Variants in TBC1D8 observed in about 807,000 individuals in gnomAD.
TBC1D8 encodes TBC1 domain family member 8.
Under a neutral mutation model 118.8 loss-of-function variants are expected in TBC1D8, and 65 were observed. That is an observed-to-expected ratio of 0.55 (90% CI 0.45 to 0.67). The LOEUF is 0.67. Ranked by LOEUF, TBC1D8 falls within the 30% of genes least tolerant of loss-of-function variation. TBC1D8 has a pLI of 0.00. For synonymous variants in TBC1D8, 566 were observed against 595.8 expected (o/e 0.95, Z 0.73); for missense variants, 1,376 against 1,471.2 (o/e 0.94, Z 1.06).
At chr2:101,042,276 G>A (rs1434660399) in intron 5 of TBC1D8, among the ~76,000 whole-genome samples, 1 of 152,058 alleles carries the variant, frequency 6.6e-6, no homozygotes, top group African/African-American at 2.4e-5. Flanking sequence ...CACAATGTTT[G>A]AAAATACTGA....
At chr2:101,060,170 G>C (rs1350264259) in intron 2 of TBC1D8, among the ~76,000 whole-genome samples, 1 of 152,182 alleles carries the variant, frequency 6.6e-6, no homozygotes, top group Non-Finnish European at 1.5e-5. Context: ...CCACTCAAAT[G>C]ACAGAAACAT....
chr2:101,047,574 G>C (rs1485053783), intron 5 of TBC1D8, among the ~76,000 whole-genome samples: 2 of 152,144 alleles, frequency 1.3e-5, no homozygotes, highest in South Asian at 2.1e-4. Flanking sequence ...CTACAAATGA[G>C]AACTGGCCAG....
chr2:101,090,932 C>T (rs1410373186), intron 1 of TBC1D8, among the ~76,000 whole-genome samples: 2 of 152,182 alleles, frequency 1.3e-5, no homozygotes, highest in African/African-American at 2.4e-5. Context: ...TCATCATTAT[C>T]CTCCTCTCCA....
intron 15 of TBC1D8, among the ~76,000 whole-genome samples, chr2:101,024,483 T>C (rs1038318154): frequency 6.7e-6 from 1 of 148,224 alleles, no homozygotes; most frequent in African/African-American, 2.5e-5. Context: ...CTTGGCTCAC[T>C]GCAACCTCTG....
Position 101,023,413 on chromosome 2 carries a change from T to G in TBC1D8, c.2521-892A>C, listed in dbSNP as rs367972999. On this transcript the variant is annotated intron_variant, in intron 15 of 19. Transcript: ENST00000409318. ...CACTCGCCTTGGCCTCCCAAAGTGCTGGGATTATAGGCATGAGCCACTGCG... is the reference window on the plus strand; with the variant it reads ...CACTCGCCTTGGCCTCCCAAAGTGCGGGGATTATAGGCATGAGCCACTGCG... Among the ~76,000 whole-genome samples, 131 of 152,164 alleles carry G rather than the reference T, an allele frequency of 8.6e-4. 2 individuals are homozygous for G. The highest frequency in any genetic ancestry group is 3.0e-3 in the African/African-American group (126 of 41,558).
chr2:101,071,209 GT>G (rs1172810681), intron 2 of TBC1D8, among the ~76,000 whole-genome samples: 5 of 152,010 alleles, frequency 3.3e-5, no homozygotes, highest in Non-Finnish European at 7.4e-5. Context: ...AGGTGTGGTG[GT>G]GGGCGCCTAT....
At chr2:101,036,276 G>A (rs1681003796) in intron 8 of TBC1D8, 108 bp from the exon 9 acceptor site, 3 of 1,298,514 alleles carry the variant, frequency 2.3e-6, no homozygotes, top group African/African-American at 1.5e-5. Context: ...TCTCCGAGGG[G>A]CCAACAGCAA....
intron 2 of TBC1D8, among the ~76,000 whole-genome samples, chr2:101,071,756 T>C (rs1335309973): frequency 6.6e-6 from 1 of 152,240 alleles, no homozygotes; most frequent in East Asian, 1.9e-4. Flanking sequence ...TTAAATTCAC[T>C]AAGTTCAAAT....
At chr2:101,021,817 G>A in intron 16 of TBC1D8, 71 bp from the exon 17 acceptor site, 1 of 1,008,662 alleles carries the variant, frequency 9.9e-7, no homozygotes, top group Non-Finnish European at 1.5e-6. Flanking sequence ...CAAACTCACT[G>A]TGGAGAGAAC....
Position 101,022,309 on chromosome 2 carries a change from G to A in TBC1D8, c.2733C>T (p.Ile911=), listed in dbSNP as rs1418689225. 5.6e-6 allele frequency: 9 copies of A among 1,612,860 alleles called. No homozygotes were observed. Among genetic ancestry groups the A allele is most frequent in the African/African-American group, 1.3e-5 (1 of 74,876 alleles). The change falls in exon 16 of 20, where the codon ATC becomes ATT. Residue 911 remains isoleucine, a synonymous_variant. Coordinates refer to ENST00000409318, the MANE Select transcript of TBC1D8 (RefSeq NM_001330348.2). The part of the protein sequence containing the change: ...RLLDDNMDQL[I]EFKAFVSCLD... ...GGCAGCTCACAAACGCTTTGAACTCGATGAGCTGGTCCATGTTGTCATCCA... is the reference window on the plus strand; with the variant it reads ...GGCAGCTCACAAACGCTTTGAACTCAATGAGCTGGTCCATGTTGTCATCCA...
chr2:101,077,455 G>C (rs1674917889), intron 2 of TBC1D8, among the ~76,000 whole-genome samples: 1 of 152,118 alleles, frequency 6.6e-6, no homozygotes, highest in Non-Finnish European at 1.5e-5. Flanking sequence ...CACTGTGTTA[G>C]CCAGGATGGT....
chr2:101,086,154 A>C (rs1675608788), intron 2 of TBC1D8, among the ~76,000 whole-genome samples: 1 of 152,006 alleles, frequency 6.6e-6, no homozygotes, highest in South Asian at 2.1e-4. Flanking sequence ...AAAAAAAAAA[A>C]AAACTTGACA....
chr2:101,062,222 T>C (rs1446319164), intron 2 of TBC1D8, among the ~76,000 whole-genome samples: 2 of 152,234 alleles, frequency 1.3e-5, no homozygotes, highest in Non-Finnish European at 2.9e-5. Context: ...GGGCTCTGCT[T>C]TTCCTGGGTA....
At chr2:101,018,890 G>A in intron 17 of TBC1D8, 1 of 1,437,158 alleles carries the variant, frequency 7.0e-7, no homozygotes, top group South Asian at 1.3e-5. Flanking sequence ...ATATCCGTAG[G>A]TTTATCAATC....
chr2:101,021,602 A>G, intron 17 of TBC1D8, 79 bp downstream of exon 17: 1 of 989,684 alleles, frequency 1.0e-6, no homozygotes, highest in Non-Finnish European at 1.5e-6. Context: ...TAAAAAGAGA[A>G]GAGCTTCAGA....
At position 101,057,620 on chromosome 2, in the gene TBC1D8, G is replaced by A. The variant is rs181787080; in HGVS notation, c.402+1801C>T. 1.7e-3 allele frequency among the ~76,000 whole-genome samples: 260 copies of A among 152,314 alleles called. 3 individuals are homozygous for A. Among genetic ancestry groups the A allele is most frequent in the East Asian group, 4.2e-3 (22 of 5,182 alleles). On this transcript the variant is annotated intron_variant, in intron 3 of 19. Coordinates refer to ENST00000409318, the MANE Select transcript of TBC1D8 (RefSeq NM_001330348.2). ...GCAGGAGGATTGCTTGAGCCCAGGA[G>A]TTCGATCAGCTTGGGCAACATAATG...
At chr2:101,108,106 A>G (rs1677343952) in intron 1 of TBC1D8, among the ~76,000 whole-genome samples, 1 of 146,524 alleles carries the variant, frequency 6.8e-6, no homozygotes, top group African/African-American at 2.5e-5. Flanking sequence ...AGGGGAGGGG[A>G]GGGGAGAATG....
intron 1 of TBC1D8, among the ~76,000 whole-genome samples, chr2:101,147,112 G>T (rs1391156693): frequency 6.6e-6 from 1 of 152,152 alleles, no homozygotes; most frequent in African/African-American, 2.4e-5. Context: ...ATGGCTTGAG[G>T]TCAAGAGTTC....
At chr2:101,094,752 G>A (rs1159698318) in intron 1 of TBC1D8, among the ~76,000 whole-genome samples, 1 of 152,160 alleles carries the variant, frequency 6.6e-6, no homozygotes, top group Non-Finnish European at 1.5e-5. Context: ...AGCCACAGGG[G>A]TGCTTCCGGT....
Sources: gnomAD v4.1 joint callset for allele counts (sites outside exome capture counted in the v4.1 genomes callset) on GRCh38, gnomAD v4.1.1 for gene constraint, MANE v1.5 for transcripts, NCBI Gene and HGNC (gene_info 2026-07-23, HGNC 2026-07-21) for gene names.